TXNRD1: variants seen among roughly 807,000 people sequenced by gnomAD.
TXNRD1 encodes the protein thioredoxin reductase 1, also known as thioredoxin reductase 1, cytoplasmic.
TXNRD1 carries 57 observed loss-of-function variants against 80.3 expected under a neutral mutation model. The observed-to-expected ratio is 0.71, with a 90% CI of 0.57 to 0.89. The LOEUF (loss-of-function observed/expected upper bound fraction) is 0.89, where lower values mean the gene tolerates loss of function less well. Among genes scored for constraint, TXNRD1 ranks in the 40% least tolerant of loss-of-function variants. The pLI, the probability that TXNRD1 is intolerant of heterozygous loss-of-function variation, is 0.00. For missense variants in TXNRD1, 730 were observed against 803.0 expected (o/e 0.91, Z 1.10); for synonymous variants, 291 against 285.2 (o/e 1.02, Z -0.20).
intron 1 of TXNRD1, among the ~76,000 whole-genome samples, chr12:104,218,175 G>A (rs533899596): frequency 5.9e-5 from 9 of 152,044 alleles, no homozygotes; most frequent in Non-Finnish European, 1.2e-4. Context: ...TTACAGGCCC[G>A]CCACCATGCC....
At chr12:104,320,600 A>G (rs1408680012) in intron 9 of TXNRD1, among the ~76,000 whole-genome samples, 2 of 151,908 alleles carry the variant, frequency 1.3e-5, no homozygotes, top group Non-Finnish European at 2.9e-5. Context: ...GACTTTTGTC[A>G]GGTTCTACTC....
chr12:104,261,666 A>G (rs2033371003), intron 3 of TXNRD1, among the ~76,000 whole-genome samples: 1 of 152,214 alleles, frequency 6.6e-6, no homozygotes, highest in Admixed American at 6.5e-5. Flanking sequence ...AAATTAATCC[A>G]GAAGCAAATA....
chr12:104,233,044 A>G, intron 1 of TXNRD1, among the ~76,000 whole-genome samples: 1 of 152,236 alleles, frequency 6.6e-6, no homozygotes, highest in East Asian at 1.9e-4. Flanking sequence ...CTAGGAGAAT[A>G]ATAACATTTC....
rs1435012808 is a variant in TXNRD1, at chr12:104,305,113, C to A, written c.415-6177C>A. 4 of 617,230 alleles carry A rather than the reference C, an allele frequency of 6.5e-6. No homozygotes were observed. The South Asian group carries it at 1.8e-4, about 28-fold the overall frequency. The allele number at this position is 617,230 out of a possible 1,614,324, so 38.2% of individuals were successfully genotyped here. On this transcript the variant is annotated intron_variant, in intron 4 of 16. Transcript: ENST00000525566. ...TAGTAATTTATAAGGTCATGATCTT[C>A]TGTTATTAAAACAAATTCACTGGCA...
intron 1 of TXNRD1, among the ~76,000 whole-genome samples, chr12:104,240,750 A>ATTTT (rs11422135): frequency 7.0e-6 from 1 of 142,992 alleles, no homozygotes; most frequent in Non-Finnish European, 1.5e-5. Flanking sequence ...TCTTTGTGGA[A>ATTTT]TTTTTTTTTT....
chr12:104,292,603 C>T (rs983058400), intron 4 of TXNRD1, among the ~76,000 whole-genome samples: 2 of 150,912 alleles, frequency 1.3e-5, no homozygotes, highest in African/African-American at 2.5e-5. Context: ...CCATGTTGGT[C>T]GGGCTGGTCT....
At chr12:104,266,309 C>T (rs1485777247) in intron 3 of TXNRD1, among the ~76,000 whole-genome samples, 1 of 151,938 alleles carries the variant, frequency 6.6e-6, no homozygotes, top group Non-Finnish European at 1.5e-5. Flanking sequence ...GAGTGGATCA[C>T]GAGGTGGGGA....
At chr12:104,259,143 C>T (rs2135711650) in intron 3 of TXNRD1, among the ~76,000 whole-genome samples, 1 of 152,210 alleles carries the variant, frequency 6.6e-6, no homozygotes, top group South Asian at 2.1e-4. Flanking sequence ...CTTGGGGAGG[C>T]TGTGGTGGCT....
At chr12:104,239,824 G>A (rs1279650877) in intron 1 of TXNRD1, among the ~76,000 whole-genome samples, 1 of 152,062 alleles carries the variant, frequency 6.6e-6, no homozygotes, top group East Asian at 1.9e-4. Context: ...TGTCTTTCTA[G>A]GAATTTGTTC....
At chr12:104,309,874 C>T in intron 4 of TXNRD1, 1 of 1,535,892 alleles carries the variant, frequency 6.5e-7, no homozygotes, top group Non-Finnish European at 8.7e-7. Context: ...TGCAGTCTTG[C>T]CCCCACTGTT....
intron 2 of TXNRD1, among the ~76,000 whole-genome samples, chr12:104,255,323 T>C (rs1475198940): frequency 6.6e-6 from 1 of 152,034 alleles, no homozygotes; most frequent in East Asian, 1.9e-4. Flanking sequence ...TGCCCCAGAA[T>C]GTTCTTATTC....
At chr12:104,234,809 A>G (rs1007961069) in intron 1 of TXNRD1, among the ~76,000 whole-genome samples, 2 of 152,048 alleles carry the variant, frequency 1.3e-5, no homozygotes, top group African/African-American at 2.4e-5. Context: ...AGTAGGCCAG[A>G]AGGGAAAAGA....
intron 4 of TXNRD1, among the ~76,000 whole-genome samples, chr12:104,311,056 G>A (rs1323690402): frequency 2.0e-5 from 3 of 152,126 alleles, no homozygotes; most frequent in South Asian, 2.1e-4. Context: ...GGTACTATAC[G>A]AACACTTCAA....
chr12:104,236,444 G>C (rs2032739283), intron 1 of TXNRD1, among the ~76,000 whole-genome samples: 1 of 152,182 alleles, frequency 6.6e-6, no homozygotes, highest in Admixed American at 6.5e-5. Flanking sequence ...TGCTTGGCAT[G>C]GCTAAAGTCG....
At chr12:104,331,674 A>G (rs748451882) in intron 14 of TXNRD1, 33 bp downstream of exon 14, 1 of 1,402,080 alleles carries the variant, frequency 7.1e-7, no homozygotes, top group Non-Finnish European at 9.9e-7. Context: ...CCTATGTTAT[A>G]TCACTACTTT....
chr12:104,301,992 C>A (rs114476722), intron 4 of TXNRD1, among the ~76,000 whole-genome samples: 3 of 152,276 alleles, frequency 2.0e-5, no homozygotes, highest in East Asian at 1.9e-4. Flanking sequence ...AGTTTTAAAT[C>A]TATTTTAAGT....
At chr12:104,269,651 T>G (rs1206105632) in intron 3 of TXNRD1, among the ~76,000 whole-genome samples, 1 of 152,050 alleles carries the variant, frequency 6.6e-6, no homozygotes, top group African/African-American at 2.4e-5. Flanking sequence ...CACAGTAACC[T>G]CTGCCTCCCA....
rs148038090 is a variant in TXNRD1 at position 104,257,985 on chromosome 12, T to C, written c.244-34T>C. ...TCTCTTGTTGGTTATAACCTCATTTTTCATTTTCCTCCTTGTTTTTCAACT... is the reference window on the plus strand; with the variant it reads ...TCTCTTGTTGGTTATAACCTCATTTCTCATTTTCCTCCTTGTTTTTCAACT... On this transcript the variant is annotated intron_variant, in intron 2 of 16. Coordinates refer to ENST00000525566, the MANE Select transcript of TXNRD1 (RefSeq NM_001093771.3). 2.7e-5 allele frequency: 40 copies of C among 1,495,800 alleles called. No individual in the cohort carries two copies. The African/African-American group carries it at 4.9e-4, about 18-fold the overall frequency. The allele number at this position is 1,495,800 out of a possible 1,614,324, so 92.7% of individuals were successfully genotyped here.
In TXNRD1 at chr12:104,315,835, A is replaced by G. The variant is rs1472027036; in HGVS notation, c.669A>G (p.Ala223=). The change falls in exon 7 of 17, where the codon GCA becomes GCG. Residue 223 remains alanine, a synonymous_variant. Coordinates refer to ENST00000525566, the MANE Select transcript of TXNRD1 (RefSeq NM_001093771.3). ...TACCTAAAAAACTGATGCATCAAGC[A>G]GCTTTGTTAGGACAAGCCCTGCAAG... is the stretch of plus-strand genomic sequence containing the variant. ...GCIPKKLMHQ[A]ALLGQALQDS... 6.2e-7 allele frequency: 1 copy of G among 1,612,748 alleles called. No homozygotes were observed. The highest frequency in any genetic ancestry group is 8.5e-7 in the Non-Finnish European group (1 of 1,179,058).
Sources: allele counts gnomAD v4.1 joint callset (sites outside exome capture counted in the v4.1 genomes callset), GRCh38; gene constraint gnomAD v4.1.1; transcripts MANE v1.5; gene names NCBI Gene and HGNC (gene_info 2026-07-23, HGNC 2026-07-21).